SLC24A3: variants seen among roughly 807,000 people sequenced by gnomAD.
SLC24A3 encodes the protein solute carrier family 24 member 3, also known as sodium/potassium/calcium exchanger 3.
A neutral mutation model predicts 75.8 loss-of-function variants in SLC24A3; 28 were observed. That is an observed-to-expected ratio of 0.37 (90% CI 0.27 to 0.51). The LOEUF (loss-of-function observed/expected upper bound fraction) is 0.51, where lower values mean the gene tolerates loss of function less well. SLC24A3 is among the 20% of genes least tolerant of loss of function. The pLI, the probability that SLC24A3 is intolerant of heterozygous loss-of-function variation, is 0.94. For synonymous variants in SLC24A3, 372 were observed against 334.1 expected (o/e 1.11, Z -1.24); for missense variants, 663 against 847.8 (o/e 0.78, Z 2.71).
intron 3 of SLC24A3, among the ~76,000 whole-genome samples, chr20:19,572,533 T>G (rs145552287): frequency 4.7e-4 from 71 of 152,332 alleles, no homozygotes; most frequent in African/African-American, 1.6e-3. Flanking sequence ...TTCAAGCATT[T>G]CTTGACTTCT....
At chr20:19,300,011 C>A (rs1014115557) in intron 2 of SLC24A3, among the ~76,000 whole-genome samples, 1 of 152,168 alleles carries the variant, frequency 6.6e-6, no homozygotes, top group Non-Finnish European at 1.5e-5. Context: ...AGTGATGCTC[C>A]TTAACCCAAA....
chr20:19,463,574 T>G (rs974026128), intron 2 of SLC24A3, among the ~76,000 whole-genome samples: 6 of 151,978 alleles, frequency 3.9e-5, no homozygotes, highest in African/African-American at 7.3e-5. Flanking sequence ...GTGGATAGAG[T>G]TGGGTCATGG....
Position 19,346,188 on chromosome 20 carries a change from A to G in SLC24A3, c.271+65101A>G, listed in dbSNP as rs868359658. Among the ~76,000 whole-genome samples, 52 of 68,912 alleles carry G rather than the reference A, an allele frequency of 7.5e-4. 7 individuals are homozygous for G. Among genetic ancestry groups the G allele is most frequent in the East Asian group, 4.7e-3 (12 of 2,568 alleles). The allele number at this position is 68,912 out of a possible 152,430, so 45.2% of individuals were successfully genotyped here. A position where few individuals can be genotyped will look rare whatever the true frequency, so the allele number is the denominator to read the frequency against. On this transcript the variant is annotated intron_variant, in intron 2 of 16. Transcript: ENST00000328041. ...TATATATGGTATATATATATGGTGTATATATATATATGGTATATATATATG... is the reference window on the plus strand; with the variant it reads ...TATATATGGTATATATATATGGTGTGTATATATATATGGTATATATATATG...
Position 19,443,171 on chromosome 20 carries a change from G to C in SLC24A3, c.272-72317G>C, listed in dbSNP as rs113770918. Among the ~76,000 whole-genome samples the C allele has an allele frequency of 5.7e-3, 869 of 152,138 alleles. 5 individuals carry two copies. Among genetic ancestry groups the C allele is most frequent in the African/African-American group, 0.02 (836 of 41,528 alleles). On this transcript the variant is annotated intron_variant, in intron 2 of 16. Transcript: ENST00000328041. ...GTGTGTTGGCTCTTCTGGGTCTTTT[G>C]CCTTACTGTATAAACTCTGGAATCA...
chr20:19,428,069 T>C (rs562859803), intron 2 of SLC24A3, among the ~76,000 whole-genome samples: 1 of 152,230 alleles, frequency 6.6e-6, no homozygotes, highest in African/African-American at 2.4e-5. Flanking sequence ...TTTGGACTTA[T>C]TTCAGTGCAG....
intron 2 of SLC24A3, among the ~76,000 whole-genome samples, chr20:19,506,069 C>G (rs904099007): frequency 1.5e-4 from 23 of 152,186 alleles, no homozygotes; most frequent in African/African-American, 5.1e-4. Flanking sequence ...TTTTCATTCT[C>G]CCATTTTGCA....
At chr20:19,575,559 A>T (rs1241374331) in intron 3 of SLC24A3, among the ~76,000 whole-genome samples, 1 of 152,216 alleles carries the variant, frequency 6.6e-6, no homozygotes, top group Non-Finnish European at 1.5e-5. Flanking sequence ...TGATCATGAG[A>T]CTAAAGCTGA....
At chr20:19,280,832 G>A in intron 1 of SLC24A3, 127 bp from the exon 2 acceptor site, 2 of 1,350,016 alleles carry the variant, frequency 1.5e-6, no homozygotes, top group Non-Finnish European at 2.0e-6. Flanking sequence ...GCAGCTAGAG[G>A]CAGAGTGGCT....
chr20:19,266,122 C>T (rs1037575195), intron 1 of SLC24A3: 1 of 152,092 alleles, frequency 6.6e-6, no homozygotes, highest in African/African-American at 2.4e-5. Context: ...TTTATTGAAT[C>T]TCTCCTCTGT....
chr20:19,491,212 G>A (rs1988204806), intron 2 of SLC24A3, among the ~76,000 whole-genome samples: 1 of 152,164 alleles, frequency 6.6e-6, no homozygotes, highest in Non-Finnish European at 1.5e-5. Flanking sequence ...GCTCGTAGTT[G>A]TCCAGAGAGG....
intron 6 of SLC24A3, among the ~76,000 whole-genome samples, chr20:19,652,300 T>C (rs770071675): frequency 3.3e-4 from 50 of 152,340 alleles, no homozygotes; most frequent in Non-Finnish European, 5.1e-4. Flanking sequence ...AAAGTCCAAG[T>C]AATGTGTTAA....
chr20:19,518,944 C>A (rs1295064967), intron 3 of SLC24A3, among the ~76,000 whole-genome samples: 1 of 152,178 alleles, frequency 6.6e-6, no homozygotes, highest in Non-Finnish European at 1.5e-5. Flanking sequence ...TGTCTCTAGG[C>A]TCCTGAAGAT....
At chr20:19,517,146 C>A (rs1405992377) in intron 3 of SLC24A3, among the ~76,000 whole-genome samples, 1 of 152,202 alleles carries the variant, frequency 6.6e-6, no homozygotes, top group Non-Finnish European at 1.5e-5. Flanking sequence ...GTGCACTGAG[C>A]CATTAATATG....
intron 8 of SLC24A3, among the ~76,000 whole-genome samples, chr20:19,670,323 CTGGGTT>C (rs1456929299): frequency 1.3e-5 from 2 of 152,096 alleles, no homozygotes; most frequent in African/African-American, 4.8e-5. Flanking sequence ...CTAGAGCCCA[CTGGGTT>C]CAATGGGGAG....
At chr20:19,294,105 A>C (rs1424580270) in intron 2 of SLC24A3, among the ~76,000 whole-genome samples, 2 of 152,240 alleles carry the variant, frequency 1.3e-5, no homozygotes, top group Non-Finnish European at 2.9e-5. Flanking sequence ...TCAATGTAGT[A>C]CTTGAGACGT....
At position 19,476,658 on chromosome 20, in the gene SLC24A3, G is replaced by A. The variant is rs73128702; in HGVS notation, c.272-38830G>A. 4.0e-3 allele frequency among the ~76,000 whole-genome samples: 606 copies of A among 152,308 alleles called. 3 individuals are homozygous for A. The highest frequency in any genetic ancestry group is 6.8e-3 in the Non-Finnish European group (466 of 68,038). On this transcript the variant is annotated intron_variant, in intron 2 of 16. Coordinates refer to ENST00000328041, the MANE Select transcript of SLC24A3 (RefSeq NM_020689.4). ...AATATGTAAAACTATACAACATATT[G>A]TCGGAGAGAGTTAGGTGAATGCTTG... is the stretch of plus-strand genomic sequence containing the variant.
intron 2 of SLC24A3, among the ~76,000 whole-genome samples, chr20:19,288,163 A>T (rs6112289): frequency 2.0e-4 from 30 of 152,236 alleles, no homozygotes; most frequent in African/African-American, 6.3e-4. Context: ...ATTCAGCAAC[A>T]ATACCACATT....
At chr20:19,223,844 G>A (rs1310112119) in intron 1 of SLC24A3, among the ~76,000 whole-genome samples, 1 of 152,152 alleles carries the variant, frequency 6.6e-6, no homozygotes, top group African/African-American at 2.4e-5. Flanking sequence ...CATGACAGTC[G>A]ATCTGATAAC....
intron 7 of SLC24A3, among the ~76,000 whole-genome samples, chr20:19,659,809 AC>A (rs1345990438): frequency 2.0e-5 from 3 of 151,178 alleles, no homozygotes; most frequent in African/African-American, 7.3e-5. Context: ...AAATCATCCT[AC>A]CCCACCGCCC....
Sources: allele counts gnomAD v4.1 joint callset (sites outside exome capture counted in the v4.1 genomes callset), GRCh38; gene constraint gnomAD v4.1.1; transcripts MANE v1.5; gene names NCBI Gene and HGNC (gene_info 2026-07-23, HGNC 2026-07-21).